The following FRMD4B variants were observed in gnomAD, a reference collection of about 807,000 sequenced individuals.
FRMD4B encodes FERM domain containing 4B.
Under a neutral mutation model 141.5 loss-of-function variants are expected in FRMD4B, and 74 were observed. The observed-to-expected ratio is 0.52, with a 90% CI of 0.43 to 0.63. The LOEUF (loss-of-function observed/expected upper bound fraction) is 0.63, where lower values mean the gene tolerates loss of function less well. Among genes scored for constraint, FRMD4B ranks in the 30% least tolerant of loss-of-function variants. FRMD4B has a pLI of 0.00. For synonymous variants in FRMD4B, 506 were observed against 467.9 expected, an observed-to-expected ratio of 1.08 and a Z score of -1.05; for missense variants, 1,366 against 1,253.4, an observed-to-expected ratio of 1.09 and a Z score of -1.36.
intron 1 of FRMD4B, among the ~76,000 whole-genome samples, chr3:69,503,615 T>C (rs1220707760): frequency 2.0e-5 from 3 of 152,020 alleles, no homozygotes; most frequent in Non-Finnish European, 4.4e-5. Context: ...AGCACACTAA[T>C]ATGGCACATG....
At chr3:69,293,638 T>G (rs2107114927) in intron 4 of FRMD4B, among the ~76,000 whole-genome samples, 1 of 152,142 alleles carries the variant, frequency 6.6e-6, no homozygotes, top group Admixed American at 6.5e-5. Flanking sequence ...CCCAACATTT[T>G]GGGAGGCCAA....
At chr3:69,533,885 C>T (rs1368028974) in intron 1 of FRMD4B, among the ~76,000 whole-genome samples, 2 of 152,206 alleles carry the variant, frequency 1.3e-5, no homozygotes, top group African/African-American at 4.8e-5. Flanking sequence ...TCATTCACAT[C>T]TCCTCTTCCT....
intron 11 of FRMD4B, chr3:69,199,172 T>C (rs9862020): frequency 0.88 from 146,863 of 166,828 alleles, 67,380 homozygotes; most frequent in Non-Finnish European, 0.99. Context: ...CTCGGGAGGC[T>C]GAGGCAGGAG....
intron 5 of FRMD4B, 177 bp from the exon 6 acceptor site, chr3:69,250,276 A>C: frequency 1.6e-6 from 1 of 609,694 alleles, no homozygotes; most frequent in Non-Finnish European, 3.0e-6. Flanking sequence ...GTTAAGGCGA[A>C]ACCACTGTGT....
intron 1 of FRMD4B, among the ~76,000 whole-genome samples, chr3:69,333,692 T>A (rs1052623740): frequency 6.6e-6 from 1 of 152,242 alleles, no homozygotes; most frequent in Non-Finnish European, 1.5e-5. Context: ...TCTGATTACA[T>A]AATAAAATAC....
At chr3:69,260,058 C>A (rs1335497852) in intron 5 of FRMD4B, among the ~76,000 whole-genome samples, 2 of 152,258 alleles carry the variant, frequency 1.3e-5, no homozygotes, top group East Asian at 1.9e-4. Flanking sequence ...CATTTTGCTA[C>A]ACAAATGTAT....
At chr3:69,416,284 T>A (rs539832768) in intron 2 of FRMD4B, among the ~76,000 whole-genome samples, 21 of 152,310 alleles carry the variant, frequency 1.4e-4, no homozygotes, top group East Asian at 5.8e-4. Context: ...TAAAAATTTT[T>A]TTGTAGAGAC....
chr3:69,356,615 GTATATATACATATATATAA>G (rs1288359646), intron 1 of FRMD4B, among the ~76,000 whole-genome samples: 143 of 147,690 alleles, frequency 9.7e-4, no homozygotes, highest in African/African-American at 3.3e-3. Flanking sequence ...ATACACACAC[GTATATATACATATATATAA>G]TATATATACA....
chr3:69,423,035 A>G (rs763555093), intron 2 of FRMD4B, among the ~76,000 whole-genome samples: 8 of 152,182 alleles, frequency 5.3e-5, no homozygotes, highest in African/African-American at 7.2e-5. Flanking sequence ...GAAGGACCAT[A>G]AGGGCCCTTT....
chr3:69,361,227 A>G (rs764214395), intron 1 of FRMD4B, among the ~76,000 whole-genome samples: 3 of 152,122 alleles, frequency 2.0e-5, no homozygotes, highest in Non-Finnish European at 4.4e-5. Context: ...TCTTCAAGCC[A>G]GTTTCCAAGT....
chr3:69,500,919 G>A (rs1157167719), intron 1 of FRMD4B, among the ~76,000 whole-genome samples: 2 of 152,160 alleles, frequency 1.3e-5, no homozygotes, highest in African/African-American at 4.8e-5. Context: ...CATTAGCATT[G>A]TCTCTAAACA....
intron 1 of FRMD4B, among the ~76,000 whole-genome samples, chr3:69,531,302 G>A (rs1049252832): frequency 3.3e-5 from 5 of 152,048 alleles, no homozygotes; most frequent in Non-Finnish European, 5.9e-5. Flanking sequence ...CAATTCAGCT[G>A]TCAATAACAG....
chr3:69,216,283 C>T lies in FRMD4B; in HGVS notation c.856G>A (p.Asp286Asn). Residue 286 changes from aspartate to asparagine, a missense_variant, in exon 11 of 23, where the codon GAC becomes AAC. Coordinates refer to ENST00000398540, the MANE Select transcript of FRMD4B (RefSeq NM_015123.3). ...CTTACCTTCCGAGGCTTCACCTTGT[C>T]TTGTATATCATATTGGCCAATTCCC... ...YKGIGQYDIQ[D>N]KVKPRKLFQW... 6.4e-7 allele frequency: 1 copy of T among 1,562,560 alleles called. No homozygotes were observed. The highest frequency in any genetic ancestry group is 8.8e-7 in the Non-Finnish European group (1 of 1,142,798).
intron 1 of FRMD4B, among the ~76,000 whole-genome samples, chr3:69,533,981 C>T (rs552259303): frequency 1.3e-5 from 2 of 152,332 alleles, no homozygotes; most frequent in East Asian, 3.9e-4. Flanking sequence ...TTCCAGGTTC[C>T]CTGATCCCTT....
At chr3:69,372,393 G>A (rs1278231750) in intron 1 of FRMD4B, among the ~76,000 whole-genome samples, 1 of 152,234 alleles carries the variant, frequency 6.6e-6, no homozygotes, top group Non-Finnish European at 1.5e-5. Context: ...GGCTGGGTGT[G>A]ATGGCTCATG....
At chr3:69,511,630 C>T (rs145552651) in intron 1 of FRMD4B, among the ~76,000 whole-genome samples, 32 of 152,314 alleles carry the variant, frequency 2.1e-4, no homozygotes, top group East Asian at 5.8e-4. Flanking sequence ...TCCTATCAGA[C>T]GCAGAACTTG....
intron 4 of FRMD4B, among the ~76,000 whole-genome samples, chr3:69,291,910 C>CTTTTTTTTTTTTTTTT (rs35703345): frequency 1.9e-5 from 2 of 105,540 alleles, no homozygotes; most frequent in African/African-American, 3.6e-5. Context: ...ACAGGAATCT[C>CTTTTTTTTTTTTTTTT]TTTTTTTTTT....
intron 1 of FRMD4B, among the ~76,000 whole-genome samples, chr3:69,455,553 C>G (rs1241243224): frequency 6.6e-6 from 1 of 152,144 alleles, no homozygotes; most frequent in African/African-American, 2.4e-5. Flanking sequence ...AAGGAAGAAA[C>G]TACGAACACG....
intron 11 of FRMD4B, among the ~76,000 whole-genome samples, chr3:69,206,658 G>A (rs1454477855): frequency 1.3e-5 from 2 of 152,042 alleles, no homozygotes; most frequent in Non-Finnish European, 2.9e-5. Context: ...ATTTACAACT[G>A]GTATCCCTTC....
Sources: allele counts gnomAD v4.1 joint callset (sites outside exome capture counted in the v4.1 genomes callset), GRCh38; gene constraint gnomAD v4.1.1; transcripts MANE v1.5; gene names NCBI Gene and HGNC (gene_info 2026-07-23, HGNC 2026-07-21).